The following ATP13A3 variants were observed in gnomAD, a reference collection of about 807,000 sequenced individuals.
ATP13A3 encodes polyamine-transporting ATPase 13A3.
Under a neutral mutation model 158.1 loss-of-function variants are expected in ATP13A3, and 59 were observed. The observed-to-expected ratio is 0.37, with a 90% CI of 0.30 to 0.46. The LOEUF (loss-of-function observed/expected upper bound fraction) is 0.46, where lower values mean the gene tolerates loss of function less well. Among genes scored for constraint, ATP13A3 ranks in the 20% least tolerant of loss-of-function variants. The probability of loss-of-function intolerance (pLI) is 1.00; values close to 1 mark genes in which losing one functional copy is unlikely to be tolerated. For synonymous variants in ATP13A3, 491 were observed against 504.3 expected (o/e 0.97, Z 0.35); for missense variants, 1,166 against 1,525.2 (o/e 0.76, Z 3.92).
intron 33 of ATP13A3, among the ~76,000 whole-genome samples, chr3:194,408,147 G>A (rs1715087733): frequency 6.6e-6 from 1 of 151,530 alleles, no homozygotes; most frequent in East Asian, 1.9e-4. Flanking sequence ...AGCCTCCCAA[G>A]TAGCTGGGAC....
chr3:194,469,093 A>G (rs1720171027), intron 2 of ATP13A3, among the ~76,000 whole-genome samples: 1 of 151,156 alleles, frequency 6.6e-6, no homozygotes, highest in Non-Finnish European at 1.5e-5. Context: ...AGACTGCGCC[A>G]CTGCACTCCA....
At chr3:194,469,094 CT>C (rs548847026) in intron 2 of ATP13A3, among the ~76,000 whole-genome samples, 60 of 151,740 alleles carry the variant, frequency 4.0e-4, no homozygotes, top group Admixed American at 9.2e-4. Flanking sequence ...GACTGCGCCA[CT>C]GCACTCCAGC....
chr3:194,444,272 C>T (rs1247134899), intron 15 of ATP13A3, among the ~76,000 whole-genome samples: 2 of 152,128 alleles, frequency 1.3e-5, no homozygotes, highest in East Asian at 1.9e-4. Flanking sequence ...GAAGAAAAAA[C>T]AGAATTGTCC....
chr3:194,493,276 C>T (rs1721165979), intron 2 of ATP13A3, among the ~76,000 whole-genome samples: 1 of 152,180 alleles, frequency 6.6e-6, no homozygotes, highest in East Asian at 1.9e-4. Context: ...CAAATGTTTG[C>T]ACCTGATGGA....
intron 14 of ATP13A3, 72 bp downstream of exon 14, chr3:194,446,855 A>G (rs1718442574): frequency 2.2e-6 from 3 of 1,377,086 alleles, no homozygotes; most frequent in East Asian, 4.8e-5. Context: ...GACAAAGAAA[A>G]TAAAAAACAT....
chr3:194,450,119 T>C (rs1718701562), intron 11 of ATP13A3, 26 bp downstream of exon 11: 2 of 1,609,862 alleles, frequency 1.2e-6, no homozygotes, highest in East Asian at 2.2e-5. Context: ...GAACAACTCA[T>C]GTTGATATTT....
At chr3:194,466,924 C>T (rs1003684963) in intron 2 of ATP13A3, among the ~76,000 whole-genome samples, 3 of 152,228 alleles carry the variant, frequency 2.0e-5, no homozygotes, top group East Asian at 3.8e-4. Context: ...CAGAGGGCCA[C>T]GAATATTAAG....
upstream of ATP13A3, among the ~76,000 whole-genome samples, chr3:194,487,190 C>G (rs1721050537): frequency 6.6e-6 from 1 of 152,156 alleles, no homozygotes; most frequent in African/African-American, 2.4e-5. Context: ...GAGGCGAGGC[C>G]GTCCAAAAAC....
At position 194,431,097 on chromosome 3, in the gene ATP13A3, T is replaced by C; in HGVS notation, c.2544+7A>G. The C allele has an allele frequency of 6.2e-7, 1 of 1,613,368 alleles. No homozygotes were observed. Among genetic ancestry groups the C allele is most frequent in the Non-Finnish European group, 8.5e-7 (1 of 1,179,388 alleles). On this transcript the variant is annotated splice_region_variant and intron_variant, in intron 23 of 33. Transcript: ENST00000645319. Reference sequence around the variant, plus strand: ...TGTGAGCACACACATACACCCAAATTACTTACCTTAGGAACAAGGTCTTGA... The same window carrying C: ...TGTGAGCACACACATACACCCAAATCACTTACCTTAGGAACAAGGTCTTGA...
chr3:194,438,991 C>CAAAAAAAA lies in ATP13A3; in HGVS notation c.1711-27_1711-20dup. On this transcript the variant is annotated intron_variant, in intron 16 of 33. Coordinates refer to ENST00000645319, the MANE Select transcript of ATP13A3 (RefSeq NM_001367549.1). The stretch of plus-strand genomic sequence containing the variant: ...CCAGAATCTGGAAAAAAAAAAGAGA[C>CAAAAAAAA]AAAAAAAAACAAAAACACAACATTC... The CAAAAAAAA allele has an allele frequency of 7.3e-7, 1 of 1,364,238 alleles. No individual in the cohort carries two copies. The highest frequency in any genetic ancestry group is 2.2e-5 in the Admixed American group (1 of 45,294). 84.5% of individuals were successfully genotyped at this position (1,364,238 alleles called of 1,614,324 possible). A position where few individuals can be genotyped will look rare whatever the true frequency, so the allele number is the denominator to read the frequency against.
intron 3 of ATP13A3, among the ~76,000 whole-genome samples, chr3:194,461,457 A>T (rs1006631021): frequency 1.3e-5 from 2 of 152,212 alleles, no homozygotes; most frequent in Non-Finnish European, 2.9e-5. Context: ...GGACGAATAG[A>T]TTTTAATCTA....
chr3:194,472,318 T>C (rs1169424802), intron 2 of ATP13A3, among the ~76,000 whole-genome samples: 1 of 152,032 alleles, frequency 6.6e-6, no homozygotes, highest in East Asian at 1.9e-4. Context: ...TAACAATTAA[T>C]TCAACATGAA....
rs757740230 is a variant in ATP13A3, at chr3:194,447,994, T to C, written c.1166A>G (p.Lys389Arg). Residue 389 changes from lysine (K) to arginine (R), a missense_variant, in exon 13 of 34, where the codon AAA becomes AGA. By Grantham distance (26) the Lys-to-Arg change is conservative. Coordinates refer to ENST00000645319, the MANE Select transcript of ATP13A3 (RefSeq NM_001367549.1). ...CAATATGGAACGAACAAGCTGTCCT[T>C]TGGAAGTACTAAATCCTTTCAAAAA... The part of the protein sequence containing the change: ...IVVRTGFSTS[K>R]GQLVRSILYP... The C allele has an allele frequency of 2.5e-6, 4 of 1,606,664 alleles. No homozygotes were observed. In the African/African-American group the frequency reaches 5.4e-5, roughly 21 times the overall value.
At position 194,448,750 on chromosome 3, in the gene ATP13A3, A is replaced by G. The variant is rs894296441; in HGVS notation, c.971-114T>C. 51 of 1,098,766 alleles carry G rather than the reference A, an allele frequency of 4.6e-5. No individual in the cohort carries two copies. Among genetic ancestry groups the G allele is most frequent in the Non-Finnish European group, 6.2e-5 (49 of 790,592 alleles). The allele number at this position is 1,098,766 out of a possible 1,614,324, so 68.1% of individuals were successfully genotyped here. Reference sequence around the variant, plus strand: ...ATTGTTAAATATTTTAAATGCTACCATACTGTTTACAATAATCACTGAGAG... The same window carrying G: ...ATTGTTAAATATTTTAAATGCTACCGTACTGTTTACAATAATCACTGAGAG... On this transcript the variant is annotated intron_variant, in intron 11 of 33. Coordinates refer to ENST00000645319, the MANE Select transcript of ATP13A3 (RefSeq NM_001367549.1). The surrounding 1 kb of genome is among the most constrained non-coding windows in gnomAD (Gnocchi z 4.0).
At chr3:194,418,402 C>T (rs1194887657) in intron 31 of ATP13A3, among the ~76,000 whole-genome samples, 1 of 151,790 alleles carries the variant, frequency 6.6e-6, no homozygotes, top group African/African-American at 2.4e-5. Context: ...ATATTTATCA[C>T]TATACAGTCA....
At chr3:194,477,216 C>T (rs558822146) in intron 2 of ATP13A3, among the ~76,000 whole-genome samples, 1 of 152,282 alleles carries the variant, frequency 6.6e-6, no homozygotes, top group East Asian at 1.9e-4. Context: ...TTGTCCCTTC[C>T]ATCTCCTAGC....
At position 194,426,718 on chromosome 3, in the gene ATP13A3, A is replaced by G. The variant is rs1716801616; in HGVS notation, c.3125+357T>C. The stretch of plus-strand genomic sequence containing the variant: ...GCCTGCATGCAAACTTTGTCTCAAA[A>G]AACAATCTCTTGGCTCACTGCAACC... On this transcript the variant is annotated intron_variant, in intron 29 of 33. Transcript: ENST00000645319. Among the ~76,000 whole-genome samples the G allele has an allele frequency of 5.9e-5, 9 of 152,146 alleles. No individual in the cohort carries two copies. In the South Asian group the frequency reaches 1.9e-3, roughly 32 times the overall value.
chr3:194,420,034 A>G lies in ATP13A3; in HGVS notation c.3314-67T>C, dbSNP rs1716178465. 9 of 1,422,892 alleles carry G rather than the reference A, an allele frequency of 6.3e-6. No individual in the cohort carries two copies. In the South Asian group the frequency reaches 1.4e-4, roughly 21 times the overall value. 88.1% of individuals were successfully genotyped at this position (1,422,892 alleles called of 1,614,324 possible). A position where few individuals can be genotyped will look rare whatever the true frequency, so the allele number is the denominator to read the frequency against. On this transcript the variant is annotated intron_variant, in intron 30 of 33. Coordinates refer to ENST00000645319, the MANE Select transcript of ATP13A3 (RefSeq NM_001367549.1). ...TCCTTTATATAAAAAGGCATCCAAT[A>G]ACAGCTGGTATACTGTCATTTGTAA...
intron 25 of ATP13A3, 35 bp from the exon 26 acceptor site, chr3:194,430,216 A>T: frequency 6.2e-7 from 1 of 1,613,426 alleles, no homozygotes; most frequent in Admixed American, 1.7e-5. Context: ...AAGTTTTGTG[A>T]ATATGATTTA....
Sources: allele counts gnomAD v4.1 joint callset (sites outside exome capture counted in the v4.1 genomes callset), GRCh38; gene constraint gnomAD v4.1.1; non-coding constraint Gnocchi (gnomAD v3.1); transcripts MANE v1.5; gene names NCBI Gene and HGNC (gene_info 2026-07-23, HGNC 2026-07-21).